The following SND1 variants were observed in gnomAD, a reference collection of about 807,000 sequenced individuals.
SND1 encodes staphylococcal nuclease and tudor domain containing 1, also known as staphylococcal nuclease domain-containing protein 1.
Under a neutral mutation model 121.7 loss-of-function variants are expected in SND1, and 38 were observed. That is an observed-to-expected ratio of 0.31 (90% confidence interval 0.24 to 0.41). The LOEUF is 0.41. Ranked by LOEUF, SND1 falls within the 10% of genes least tolerant of loss-of-function variation. The pLI, the probability that SND1 is intolerant of heterozygous loss-of-function variation, is 1.00. For synonymous variants in SND1, 401 were observed against 447.4 expected (o/e 0.90, Z 1.31); for missense variants, 868 against 1,184.6 (o/e 0.73, Z 3.92).
chr7:128,031,060 G>GAGGGGAGGGA (rs1792578131), intron 16 of SND1: 1 of 150,648 alleles, frequency 6.6e-6, no homozygotes, highest in Non-Finnish European at 1.5e-5. Flanking sequence ...GAGGGGAGGG[G>GAGGGGAGGGA]AGGGGAGGGA....
chr7:127,656,939 C>T (rs1486391167), intron 1 of SND1, among the ~76,000 whole-genome samples: 1 of 152,144 alleles, frequency 6.6e-6, no homozygotes, highest in Non-Finnish European at 1.5e-5. Flanking sequence ...CTTAAAATGC[C>T]CATTTCCCGG....
Position 127,677,133 on chromosome 7 carries a change from AT to A in SND1, c.79-9477del, listed in dbSNP as rs573152085. On this transcript the variant is annotated intron_variant, in intron 1 of 23. Coordinates refer to ENST00000354725, the MANE Select transcript of SND1 (RefSeq NM_014390.4). ...TTTATAGCAGACCACACTTTGAGCC[AT>A]TTCTTGTAACAACAATGTTGGCTAT... is the stretch of plus-strand genomic sequence containing the variant. Among the ~76,000 whole-genome samples, 500 of 152,284 alleles carry A rather than the reference AT, an allele frequency of 3.3e-3. 5 individuals carry two copies. Among genetic ancestry groups the A allele is most frequent in the African/African-American group, 0.011 (473 of 41,556 alleles).
intron 16 of SND1, among the ~76,000 whole-genome samples, chr7:127,994,261 G>A (rs750565294): frequency 4.6e-5 from 7 of 151,970 alleles, no homozygotes; most frequent in East Asian, 1.9e-4. Context: ...GCCACCACTC[G>A]GCTCCATTAT....
chr7:127,925,690 G>A (rs1480195926), intron 14 of SND1, among the ~76,000 whole-genome samples: 2 of 149,792 alleles, frequency 1.3e-5, no homozygotes, highest in East Asian at 2.0e-4. Flanking sequence ...TGCAACCTCC[G>A]CCTCCCAGGT....
At chr7:127,792,873 C>CCA (rs773316317) in intron 10 of SND1, among the ~76,000 whole-genome samples, 1 of 152,176 alleles carries the variant, frequency 6.6e-6, no homozygotes, top group African/African-American at 2.4e-5. Flanking sequence ...TGCTCTGGAG[C>CCA]CACTGGCAGG....
At chr7:128,035,403 C>T (rs1325657041) in intron 16 of SND1, among the ~76,000 whole-genome samples, 1 of 152,226 alleles carries the variant, frequency 6.6e-6, no homozygotes. Flanking sequence ...AGTGCTGGAG[C>T]AGAGCAAATC....
intron 11 of SND1, among the ~76,000 whole-genome samples, chr7:127,810,726 A>C (rs941149232): frequency 6.6e-6 from 1 of 152,232 alleles, no homozygotes; most frequent in Admixed American, 6.5e-5. Context: ...AGAATAAGGT[A>C]GTAACTGGGA....
At chr7:127,945,938 T>A (rs1801319559) in intron 15 of SND1, among the ~76,000 whole-genome samples, 1 of 152,208 alleles carries the variant, frequency 6.6e-6, no homozygotes, top group Non-Finnish European at 1.5e-5. Flanking sequence ...GATCTCCTCA[T>A]TTAGAACGCA....
chr7:127,857,521 C>CT (rs1405103819), intron 12 of SND1, among the ~76,000 whole-genome samples: 138 of 149,110 alleles, frequency 9.3e-4, no homozygotes, highest in African/African-American at 1.0e-3. Context: ...AGTGAGGTTT[C>CT]TTTTTTTTTC....
chr7:127,922,198 T>TTTTTTTTTTTTTTGTTTTTG (rs1800731864), intron 14 of SND1, among the ~76,000 whole-genome samples: 2 of 126,872 alleles, frequency 1.6e-5, no homozygotes, highest in African/African-American at 5.9e-5. Flanking sequence ...TTTTTTTTTT[T>TTTTTTTTTTTTTTGTTTTTG]TTTTTGTTTT....
intron 16 of SND1, among the ~76,000 whole-genome samples, chr7:127,994,566 AAAAAAAAAAAAAAAAAAAAC>A (rs997102717): frequency 2.4e-5 from 3 of 122,568 alleles, no homozygotes; most frequent in East Asian, 4.6e-4. Flanking sequence ...AAAAAAAAAA[AAAAAAAAAAAAAAAAAAAAC>A]AGTAAATTCA....
Position 128,029,649 on chromosome 7 carries a change from G to A in SND1, c.1779+38593G>A. On this transcript the variant is annotated intron_variant, in intron 16 of 23. Coordinates refer to ENST00000354725, the MANE Select transcript of SND1 (RefSeq NM_014390.4). This position sits in a 1 kb window ranked among gnomAD's most constrained non-coding sequence, Gnocchi z 4.2. ...GTAGCGGCCTCGCATGTGCATGGGA[G>A]CATGACAGCGGCCACAGCAGGTGGA... The A allele has an allele frequency of 6.2e-7, 1 of 1,613,948 alleles. No individual in the cohort carries two copies. Among genetic ancestry groups the A allele is most frequent in the East Asian group, 2.2e-5 (1 of 44,886 alleles).
At chr7:127,765,001 G>GTAA (rs1224955909) in intron 10 of SND1, among the ~76,000 whole-genome samples, 17 of 152,126 alleles carry the variant, frequency 1.1e-4, no homozygotes, top group Admixed American at 1.1e-3. Flanking sequence ...TGAATGGGAG[G>GTAA]AGATTAAAGC....
intron 17 of SND1, among the ~76,000 whole-genome samples, chr7:128,080,245 A>G (rs1793574318): frequency 6.6e-6 from 1 of 152,200 alleles, no homozygotes; most frequent in Non-Finnish European, 1.5e-5. Flanking sequence ...TCAGCTGGAA[A>G]GCCACCTCCC....
chr7:127,707,279 T>C (rs150613598), intron 8 of SND1, among the ~76,000 whole-genome samples: 24 of 152,354 alleles, frequency 1.6e-4, no homozygotes, highest in African/African-American at 2.4e-4. Context: ...CCAGGAGATA[T>C]TAGATAAACC....
intron 12 of SND1, among the ~76,000 whole-genome samples, chr7:127,849,291 G>A (rs1292171191): frequency 6.6e-6 from 1 of 152,188 alleles, no homozygotes; most frequent in Non-Finnish European, 1.5e-5. Flanking sequence ...GAGCCTTCTT[G>A]AAGAGTGAGA....
intron 17 of SND1, among the ~76,000 whole-genome samples, chr7:128,077,998 C>T (rs1793534689): frequency 6.6e-6 from 1 of 152,254 alleles, no homozygotes. Flanking sequence ...TTCCCAGAAA[C>T]CAGCTTCTTA....
rs534408382 is a variant in SND1 at position 127,992,310 on chromosome 7, TA to T, written c.1779+1259del. Among the ~76,000 whole-genome samples the T allele has an allele frequency of 2.5e-3, 376 of 152,282 alleles. 2 individuals carry two copies. The highest frequency in any genetic ancestry group is 8.3e-3 in the African/African-American group (343 of 41,558). On this transcript the variant is annotated intron_variant, in intron 16 of 23. Coordinates refer to ENST00000354725, the MANE Select transcript of SND1 (RefSeq NM_014390.4). ...CAATGCTGCCTGAATTTTTATCAAT[TA>T]AAAATAACCCCGTGCAAGAGAAGTA...
rs138011369 is a variant in SND1 at position 127,704,711 on chromosome 7, TAAACAAAC to T, written c.841-115_841-108del. Reference sequence around the variant, plus strand: ...CGTAGTGAGAGAAGCTACTCTACTGTAAACAAACAAACAAACAAACTGCAGACTAGTTT... The same window carrying T: ...CGTAGTGAGAGAAGCTACTCTACTGTAAACAAACAAACTGCAGACTAGTTT... On this transcript the variant is annotated intron_variant, in intron 7 of 23. Coordinates refer to ENST00000354725, the MANE Select transcript of SND1 (RefSeq NM_014390.4). 5.0e-3 allele frequency: 3,894 copies of T among 776,240 alleles called. 133 individuals are homozygous for T. In the African/African-American group the frequency reaches 0.059, roughly 12 times the overall value. 48.1% of individuals were successfully genotyped at this position (776,240 alleles called of 1,614,324 possible). A position where few individuals can be genotyped will look rare whatever the true frequency, so the allele number is the denominator to read the frequency against.
Sources: gnomAD v4.1 joint callset for allele counts (sites outside exome capture counted in the v4.1 genomes callset) on GRCh38, gnomAD v4.1.1 for gene constraint, Gnocchi (gnomAD v3.1) non-coding constraint, MANE v1.5 for transcripts, NCBI Gene and HGNC (gene_info 2026-07-23, HGNC 2026-07-21) for gene names.